Variants in MYO9A observed in about 807,000 individuals in gnomAD.
MYO9A encodes the protein myosin IXA.
MYO9A carries 103 observed loss-of-function variants against 293.3 expected under a neutral mutation model. That is an observed-to-expected ratio of 0.35 (90% CI 0.30 to 0.41). The LOEUF is 0.41. MYO9A is among the 10% of genes least tolerant of loss of function. The pLI is 1.00. For synonymous variants in MYO9A, 1,001 were observed against 1,035.7 expected (o/e 0.97, Z 0.64); for missense variants, 2,685 against 3,033.0 (o/e 0.89, Z 2.69).
At chr15:71,895,301 C>G (rs1005425271) in intron 25 of MYO9A, among the ~76,000 whole-genome samples, 8 of 152,214 alleles carry the variant, frequency 5.3e-5, no homozygotes, top group Non-Finnish European at 1.2e-4. Flanking sequence ...TACTTGACCA[C>G]TGCAATTAAC....
chr15:71,958,435 T>G (rs2146920453), intron 14 of MYO9A: 1 of 152,320 alleles, frequency 6.6e-6, no homozygotes, highest in Middle Eastern at 3.4e-3. Flanking sequence ...ACTGATATAT[T>G]GTAATATAAA....
chr15:72,074,951 C>CTTCTTTTT (rs2079301118), intron 1 of MYO9A, among the ~76,000 whole-genome samples: 8 of 53,110 alleles, frequency 1.5e-4, no homozygotes, highest in African/African-American at 5.9e-4. Flanking sequence ...TTTTCACTGC[C>CTTCTTTTT]TTTTTTTTTT....
At chr15:71,956,456 T>C (rs539562517) in intron 14 of MYO9A, among the ~76,000 whole-genome samples, 7 of 146,026 alleles carry the variant, frequency 4.8e-5, no homozygotes, top group Admixed American at 3.4e-4. Flanking sequence ...CTGGCCAACA[T>C]AGTGAAACCT....
At chr15:72,060,121 T>G (rs1329253566) in intron 1 of MYO9A, among the ~76,000 whole-genome samples, 1 of 152,304 alleles carries the variant, frequency 6.6e-6, no homozygotes, top group East Asian at 1.9e-4. Context: ...GGCTGCAGTA[T>G]TGGTGGTAGA....
At chr15:71,886,372 C>G (rs2057020991) in intron 27 of MYO9A, among the ~76,000 whole-genome samples, 1 of 151,976 alleles carries the variant, frequency 6.6e-6, no homozygotes, top group Non-Finnish European at 1.5e-5. Flanking sequence ...CCCCAAAACT[C>G]TTTGAACCAT....
Position 72,083,941 on chromosome 15 carries a change from A to G in MYO9A, c.-72+33739T>C, listed in dbSNP as rs192825369. On this transcript the variant is annotated intron_variant, in intron 1 of 41. Coordinates refer to ENST00000356056, the MANE Select transcript of MYO9A (RefSeq NM_006901.4). ...TGTGGTCAATTTCAGAGTATGTGCC[A>G]TGTGGTGATGAGAAGAATGTATATT... 1.2e-3 allele frequency among the ~76,000 whole-genome samples: 184 copies of G among 152,286 alleles called. 1 individual carries two copies. The highest frequency in any genetic ancestry group is 4.0e-3 in the African/African-American group (165 of 41,554).
At chr15:72,015,010 AT>A (rs34039364) in intron 6 of MYO9A, among the ~76,000 whole-genome samples, 148 of 134,628 alleles carry the variant, frequency 1.1e-3, no homozygotes, top group African/African-American at 1.9e-3. Flanking sequence ...CGCCCTGCTA[AT>A]TTTTTTTTTT....
chr15:72,103,340 A>C (rs1329346937), intron 1 of MYO9A, among the ~76,000 whole-genome samples: 1 of 150,536 alleles, frequency 6.6e-6, no homozygotes, highest in Non-Finnish European at 1.5e-5. Flanking sequence ...CAGAAGCAGA[A>C]GCAGCAGCAA....
intron 19 of MYO9A, among the ~76,000 whole-genome samples, chr15:71,907,835 T>C (rs1263451404): frequency 1.3e-5 from 2 of 152,226 alleles, no homozygotes; most frequent in African/African-American, 4.8e-5. Context: ...TTGTAGATTC[T>C]GGATATTAGC....
intron 7 of MYO9A, among the ~76,000 whole-genome samples, chr15:72,008,921 A>C (rs2148909221): frequency 6.6e-6 from 1 of 152,314 alleles, no homozygotes; most frequent in African/African-American, 2.4e-5. Flanking sequence ...AAGTATTCCA[A>C]CTAAAACAAA....
chr15:71,918,010 A>G (rs568692362), intron 18 of MYO9A, among the ~76,000 whole-genome samples: 2 of 152,334 alleles, frequency 1.3e-5, no homozygotes, highest in African/African-American at 4.8e-5. Flanking sequence ...TTAAAAAGAC[A>G]GATATCACAA....
chr15:71,956,326 A>ATATATATAT (rs1371050523), intron 14 of MYO9A, among the ~76,000 whole-genome samples: 40 of 9,892 alleles, frequency 4.0e-3, no homozygotes, highest in East Asian at 7.6e-3. Flanking sequence ...AAAAAAAAAA[A>ATATATATAT]AAAAATATAT....
Position 71,826,711 on chromosome 15 carries a change from T to TC in MYO9A, c.7515dup (p.Lys2506GlufsTer39). On this transcript the variant is annotated frameshift_variant, in exon 42 of 42. Coordinates refer to ENST00000356056, the MANE Select transcript of MYO9A (RefSeq NM_006901.4). LOFTEE classifies it high-confidence loss of function. ...TCTTTGGTTTTCTGAGGTGAGTTTT[T>TC]CACATTCTTTAATTTTTGTTTGCCC... is the stretch of plus-strand genomic sequence containing the variant. 6.2e-7 allele frequency: 1 copy of TC among 1,614,158 alleles called. No homozygotes were observed. The highest frequency in any genetic ancestry group is 1.1e-5 in the South Asian group (1 of 91,088).
chr15:71,971,349 C>T (rs1329141943), intron 12 of MYO9A, among the ~76,000 whole-genome samples: 1 of 151,834 alleles, frequency 6.6e-6, no homozygotes, highest in Admixed American at 6.6e-5. Context: ...CTTTGGGAGG[C>T]TAAGGTAGGA....
chr15:72,027,351 C>A (rs756429441), intron 4 of MYO9A, among the ~76,000 whole-genome samples: 21 of 152,232 alleles, frequency 1.4e-4, no homozygotes, highest in Admixed American at 3.9e-4. Flanking sequence ...CCACATATAT[C>A]ATCTCTAAAG....
chr15:72,106,910 T>C (rs1346466571), intron 1 of MYO9A, among the ~76,000 whole-genome samples: 1 of 152,252 alleles, frequency 6.6e-6, no homozygotes, highest in African/African-American at 2.4e-5. Context: ...GGTACATTCT[T>C]AGTAGGATAC....
intron 19 of MYO9A, among the ~76,000 whole-genome samples, chr15:71,909,855 T>C (rs1191333698): frequency 1.3e-5 from 2 of 152,058 alleles, no homozygotes; most frequent in Non-Finnish European, 2.9e-5. Flanking sequence ...TACATAGGGC[T>C]TGGCACAGTG....
intron 18 of MYO9A, among the ~76,000 whole-genome samples, chr15:71,919,933 A>C (rs561169135): frequency 6.6e-6 from 1 of 151,922 alleles, no homozygotes; most frequent in African/African-American, 2.4e-5. Context: ...CCATATACCT[A>C]ACAATAACCT....
chr15:72,103,647 C>CAGAAGAAGAAACAGAAGAAGCAGA lies in MYO9A; in HGVS notation c.-72+14032_-72+14033insTCTGCTTCTTCTGTTTCTTCTTCT, dbSNP rs58828099. ...GAAGCAGAAGAAGAAACAGAAGAAG[C>CAGAAGAAGAAACAGAAGAAGCAGA]AGAAGTAACAGAAGAAGCAGCAGCA... On this transcript the variant is annotated intron_variant, in intron 1 of 41. Coordinates refer to ENST00000356056, the MANE Select transcript of MYO9A (RefSeq NM_006901.4). Among the ~76,000 whole-genome samples the CAGAAGAAGAAACAGAAGAAGCAGA allele has an allele frequency of 1.2e-4, 18 of 149,866 alleles. 1 individual carries two copies. Among genetic ancestry groups the CAGAAGAAGAAACAGAAGAAGCAGA allele is most frequent in the Non-Finnish European group, 2.2e-4 (15 of 67,396 alleles).
Sources: allele counts gnomAD v4.1 joint callset (sites outside exome capture counted in the v4.1 genomes callset), GRCh38; gene constraint gnomAD v4.1.1; transcripts MANE v1.5; gene names NCBI Gene and HGNC (gene_info 2026-07-23, HGNC 2026-07-21).